The following COX14 variants were observed in gnomAD, a reference collection of about 807,000 sequenced individuals.
The protein encoded by COX14 is cytochrome c oxidase assembly protein COX14.
In COX14, 3 loss-of-function variants were observed where a neutral mutation model predicts 5.8. The ratio of observed to expected loss-of-function variants is 0.51; its 90% CI spans 0.23 to 1.33. The LOEUF is 1.33. Ranked by LOEUF, COX14 falls within the 40% of genes most tolerant of loss-of-function variation. The pLI is 0.18. For synonymous variants in COX14, 25 were observed against 26.1 expected (o/e 0.96, Z 0.13); for missense variants, 72 against 72.1 (o/e 1.00, Z 0.01).
At chr12:50,119,772 G>C (rs1246394137) in intron 1 of COX14, among the ~76,000 whole-genome samples, 1 of 152,198 alleles carries the variant, frequency 6.6e-6, no homozygotes, top group Non-Finnish European at 1.5e-5. Flanking sequence ...GCCAAATGTT[G>C]GCTTTGATGA....
chr12:50,112,672 C>A (rs893058299), intron 1 of COX14, among the ~76,000 whole-genome samples: 24 of 152,180 alleles, frequency 1.6e-4, no homozygotes, highest in Admixed American at 2.6e-4. Flanking sequence ...ACCTCTTGAC[C>A]GCTTTCACTT....
chr12:50,112,445 G>A, intron 1 of COX14, 144 bp downstream of exon 1: 1 of 985,922 alleles, frequency 1.0e-6, no homozygotes, highest in Admixed American at 6.1e-5. Flanking sequence ...GTTGCGTTGC[G>A]GACCGCGAGC....
At chr12:50,116,336 G>T (rs1285653599) in intron 1 of COX14, among the ~76,000 whole-genome samples, 3 of 152,140 alleles carry the variant, frequency 2.0e-5, no homozygotes, top group Non-Finnish European at 4.4e-5. Context: ...CAGGTGATCT[G>T]CCCGACTCAG....
chr12:50,117,382 C>T (rs913603855), intron 1 of COX14, among the ~76,000 whole-genome samples: 5 of 151,804 alleles, frequency 3.3e-5, no homozygotes, highest in Admixed American at 2.6e-4. Flanking sequence ...TGGTAAGGGG[C>T]GGGATTTTAA....
At chr12:50,117,144 G>A (rs1330070524) in intron 1 of COX14, among the ~76,000 whole-genome samples, 2 of 151,982 alleles carry the variant, frequency 1.3e-5, no homozygotes, top group African/African-American at 2.4e-5. Flanking sequence ...TGAGTAGCTG[G>A]GACTACAGCC....
intron 1 of COX14, among the ~76,000 whole-genome samples, chr12:50,119,341 C>G (rs1951110057): frequency 6.6e-6 from 1 of 152,198 alleles, no homozygotes; most frequent in Non-Finnish European, 1.5e-5. Context: ...TTTCTGCTAC[C>G]TCCATTAGTT....
At chr12:50,116,250 G>A (rs979304443) in intron 1 of COX14, among the ~76,000 whole-genome samples, 23 of 152,048 alleles carry the variant, frequency 1.5e-4, no homozygotes, top group African/African-American at 3.6e-4. Flanking sequence ...CCGCCACCAC[G>A]CCTGGCTAAT....
chr12:50,114,991 C>G (rs1175655582), intron 1 of COX14, among the ~76,000 whole-genome samples: 1 of 150,456 alleles, frequency 6.6e-6, no homozygotes, highest in African/African-American at 2.4e-5. Context: ...TGGTCTCAAT[C>G]TCTGGACCTT....
chr12:50,118,497 G>T (rs1240237472), intron 1 of COX14: 1 of 904,742 alleles, frequency 1.1e-6, no homozygotes, highest in Non-Finnish European at 1.3e-6. Flanking sequence ...GGCCAGGCGC[G>T]GTGGCTCACG....
intron 1 of COX14, among the ~76,000 whole-genome samples, chr12:50,118,055 T>G (rs1180365157): frequency 6.6e-5 from 10 of 151,446 alleles, no homozygotes; most frequent in Admixed American, 6.6e-4. Context: ...CCCCCTTTTT[T>G]TTTTTTTGAG....
intron 1 of COX14, among the ~76,000 whole-genome samples, chr12:50,116,300 C>T (rs2137941129): frequency 6.6e-6 from 1 of 152,298 alleles, no homozygotes; most frequent in East Asian, 1.9e-4. Context: ...GCCATGTTGG[C>T]CAGGCTGGTC....
chr12:50,119,947 T>G lies in COX14; in HGVS notation c.-8-89T>G, dbSNP rs1951115324. ...TAGAGTGCAGACAGACCAAGCAGGA[T>G]GCAGAAGTTATGGAATGGCGTTAAA... On this transcript the variant is annotated intron_variant, in intron 1 of 1. Transcript: ENST00000550487. The G allele has an allele frequency of 3.9e-6, 4 of 1,024,788 alleles. No individual in the cohort carries two copies. In the South Asian group the frequency reaches 5.1e-5, roughly 13 times the overall value. The allele number at this position is 1,024,788 out of a possible 1,614,324, so 63.5% of individuals were successfully genotyped here.
intron 1 of COX14, among the ~76,000 whole-genome samples, chr12:50,114,770 A>ATTTTTTT (rs71083507): frequency 9.9e-5 from 7 of 70,648 alleles, no homozygotes; most frequent in Admixed American, 2.2e-4. Context: ...GAGTATCTTA[A>ATTTTTTT]TTTTTTTTTT....
chr12:50,114,228 A>AC (rs1032551942), intron 1 of COX14, among the ~76,000 whole-genome samples: 5 of 151,134 alleles, frequency 3.3e-5, no homozygotes, highest in African/African-American at 4.9e-5. Context: ...TGAAAAAAAA[A>AC]AAAAAAAAAA....
chr12:50,117,397 C>G (rs560421361), intron 1 of COX14, among the ~76,000 whole-genome samples: 2 of 151,970 alleles, frequency 1.3e-5, no homozygotes, highest in Non-Finnish European at 2.9e-5. Context: ...TTTTAAGTGT[C>G]TCTGCCTACA....
intron 1 of COX14, among the ~76,000 whole-genome samples, chr12:50,115,727 T>A (rs1450397896): frequency 6.6e-6 from 1 of 151,952 alleles, no homozygotes; most frequent in East Asian, 1.9e-4. Context: ...AATTTTTGTA[T>A]TTTTTGTAGA....
intron 1 of COX14, among the ~76,000 whole-genome samples, chr12:50,118,879 G>T (rs547437274): frequency 6.6e-6 from 1 of 152,214 alleles, no homozygotes; most frequent in Admixed American, 6.5e-5. Flanking sequence ...TTTAATTTCA[G>T]TTCCCTCAAC....
At chr12:50,118,533 C>A in intron 1 of COX14, 1 of 503,208 alleles carries the variant, frequency 2.0e-6, no homozygotes, top group Non-Finnish European at 2.6e-6. Context: ...TTTGGGAGGC[C>A]AAGGCGAGTG....
Position 50,120,349 on chromosome 12 carries a change from T to A in COX14, c.*132T>A, listed in dbSNP as rs1235196381. ...AAACCCTGTTGGAAGAAAGTGCCCA[T>A]GGTTTCTCTGGTTCTGCCAGTTTGA... is the stretch of plus-strand genomic sequence containing the variant. On this transcript the variant is annotated 3_prime_UTR_variant, in exon 2 of 2. Transcript: ENST00000550487. 2.7e-6 allele frequency: 2 copies of A among 728,252 alleles called. No homozygotes were observed. The highest frequency in any genetic ancestry group is 3.6e-5 in the African/African-American group (2 of 56,054). The allele number at this position is 728,252 out of a possible 1,614,324, so 45.1% of individuals were successfully genotyped here. A position where few individuals can be genotyped will look rare whatever the true frequency, so the allele number is the denominator to read the frequency against.
Sources: allele counts gnomAD v4.1 joint callset (sites outside exome capture counted in the v4.1 genomes callset), GRCh38; gene constraint gnomAD v4.1.1; transcripts MANE v1.5; gene names NCBI Gene and HGNC (gene_info 2026-07-23, HGNC 2026-07-21).